FN3KRP: variants seen among roughly 807,000 people sequenced by gnomAD.
FN3KRP encodes ketosamine-3-kinase.
In FN3KRP, 33 loss-of-function variants were observed where a neutral mutation model predicts 29.8. That is an observed-to-expected ratio of 1.11 (90% CI 0.84 to 1.48). The LOEUF is 1.48. FN3KRP is among the 40% of genes most tolerant of loss of function. The probability of loss-of-function intolerance (pLI) is 0.00; values close to 1 mark genes in which losing one functional copy is unlikely to be tolerated. For missense variants in FN3KRP, 430 were observed against 402.6 expected, an observed-to-expected ratio of 1.07 and a Z score of -0.58; for synonymous variants, 157 against 155.2, an observed-to-expected ratio of 1.01 and a Z score of -0.09.
chr17:82,718,120 T>TTGTGTGTGTTGTGTGTCTGTATGTGTTG (rs1305087649), intron 1 of FN3KRP, among the ~76,000 whole-genome samples: 2 of 149,650 alleles, frequency 1.3e-5, no homozygotes, highest in Non-Finnish European at 1.5e-5. Context: ...AAGTCGTATG[T>TTGTGTGTGTTGTGTGTCTGTATGTGTTG]TGTGTGTGTT....
chr17:82,722,733 T>C, intron 3 of FN3KRP, 71 bp from the exon 4 acceptor site: 31 of 1,474,780 alleles, frequency 2.1e-5, no homozygotes, highest in Non-Finnish European at 2.9e-5. Flanking sequence ...TGTCTGAAGG[T>C]GACTCAGTTT....
At chr17:82,720,528 C>T (rs2046791605) in intron 3 of FN3KRP, among the ~76,000 whole-genome samples, 165 bp downstream of exon 3, 1 of 152,198 alleles carries the variant, frequency 6.6e-6, no homozygotes, top group African/African-American at 2.4e-5. Flanking sequence ...GCACTGAACA[C>T]AGTGACTGTG....
chr17:82,721,253 A>C (rs1408379757), intron 3 of FN3KRP, among the ~76,000 whole-genome samples: 2 of 151,594 alleles, frequency 1.3e-5, no homozygotes, highest in Non-Finnish European at 2.9e-5. Context: ...GTGCCCACCT[A>C]ATTTTTGTAT....
At position 82,727,109 on chromosome 17, in the gene FN3KRP, A is replaced by T. The variant is rs2046844196; in HGVS notation, c.868A>T (p.Asn290Tyr). The change falls in exon 6 of 6, where the codon AAT (asparagine) becomes TAT (tyrosine). Residue 290 changes from asparagine (N) to tyrosine (Y), a missense_variant. Physicochemically the swap from Asn to Tyr is moderately radical, Grantham distance 143. Transcript: ENST00000269373. ...YQLFHYLNHWNHFGSGYRGSS... is the reference protein window; with the variant it reads ...YQLFHYLNHWYHFGSGYRGSS... Reference sequence around the variant, plus strand: ...GCTCTTTCACTACTTGAACCACTGGAATCATTTTGGATCGGGGTACAGAGG... The same window carrying T: ...GCTCTTTCACTACTTGAACCACTGGTATCATTTTGGATCGGGGTACAGAGG... The T allele has an allele frequency of 6.2e-7, 1 of 1,614,086 alleles. No individual in the cohort carries two copies. Among genetic ancestry groups the T allele is most frequent in the Non-Finnish European group, 8.5e-7 (1 of 1,180,008 alleles).
chr17:82,725,998 C>T (rs111488950), intron 4 of FN3KRP, among the ~76,000 whole-genome samples: 13 of 151,968 alleles, frequency 8.6e-5, no homozygotes, highest in African/African-American at 2.9e-4. Context: ...ACCAACATGG[C>T]GAAACCCCGT....
At chr17:82,723,442 G>C (rs560218830) in intron 4 of FN3KRP, among the ~76,000 whole-genome samples, 1 of 152,152 alleles carries the variant, frequency 6.6e-6, no homozygotes, top group Non-Finnish European at 1.5e-5. Context: ...GCCTGCTGGC[G>C]GGGGGTGGGG....
intron 3 of FN3KRP, chr17:82,722,534 T>C (rs1348417871): frequency 1.4e-5 from 6 of 418,196 alleles, no homozygotes; most frequent in Middle Eastern, 6.6e-4. Flanking sequence ...GTGTGTCCTC[T>C]GGTGCCCCTG....
rs1441484991 is a variant in FN3KRP, at chr17:82,726,622, A to G, written c.591+20A>G. 42 of 1,603,476 alleles carry G rather than the reference A, an allele frequency of 2.6e-5. No homozygotes were observed. Among genetic ancestry groups the G allele is most frequent in the Non-Finnish European group, 2.7e-5 (32 of 1,174,666 alleles). On this transcript the variant is annotated intron_variant, in intron 5 of 5. Transcript: ENST00000269373. ...CTGCAGGTGAGTGGGGCCCCACTGC[A>G]TGCCCAGCACCTGCCACACACCCCA...
chr17:82,718,424 G>T, intron 1 of FN3KRP: 2 of 988,400 alleles, frequency 2.0e-6, no homozygotes, highest in Non-Finnish European at 1.2e-6. Flanking sequence ...AGGTGGCATG[G>T]AACTTGGTGG....
chr17:82,717,145 C>A (rs1598331345), intron 1 of FN3KRP, among the ~76,000 whole-genome samples: 1 of 152,118 alleles, frequency 6.6e-6, no homozygotes, highest in Non-Finnish European at 1.5e-5. Context: ...ACCGCGGCCG[C>A]CCCACACCTC....
intron 1 of FN3KRP, 55 bp downstream of exon 1, chr17:82,716,951 C>T (rs1230787988): frequency 2.6e-6 from 4 of 1,523,248 alleles, no homozygotes; most frequent in South Asian, 1.2e-5. Context: ...GAGAGGGTCG[C>T]GGGCCTCGGC....
In FN3KRP at chr17:82,720,501, G is replaced by C. The variant is rs1335354399; in HGVS notation, c.385+138G>C. ...GGCAGAGCAAGGGAATGTCGGCCTT[G>C]AGCCGCATCTCACGGTGCACTGAAC... On this transcript the variant is annotated intron_variant, in intron 3 of 5. Transcript: ENST00000269373. 5 of 619,722 alleles carry C rather than the reference G, an allele frequency of 8.1e-6. No individual in the cohort carries two copies. The East Asian group carries it at 8.5e-5, about 11-fold the overall frequency. The allele number at this position is 619,722 out of a possible 1,614,324, so 38.4% of individuals were successfully genotyped here. A position where few individuals can be genotyped will look rare whatever the true frequency, so the allele number is the denominator to read the frequency against.
intron 1 of FN3KRP, 41 bp downstream of exon 1, chr17:82,716,937 T>A: frequency 6.4e-7 from 1 of 1,553,676 alleles, no homozygotes. Flanking sequence ...CCGGTTTCTT[T>A]CCGGAGAGGG....
Position 82,720,321 on chromosome 17 carries a change from A to G in FN3KRP, c.343A>G (p.Lys115Glu), listed in dbSNP as rs1242251862. Residue 115 changes from lysine (K) to glutamate (E), a missense_variant, in exon 3 of 6, where the codon AAG becomes GAG. By Grantham distance (56) the Lys-to-Glu change is moderately conservative. Coordinates refer to ENST00000269373, the MANE Select transcript of FN3KRP (RefSeq NM_024619.4). ...AQLADLHLDN[K>E]KLGEMRLKEA... Reference sequence around the variant, plus strand: ...GCTGGCCGATTTACACCTTGATAACAAGAAGCTTGGAGAGATGCGCCTGAA... The same window carrying G: ...GCTGGCCGATTTACACCTTGATAACGAGAAGCTTGGAGAGATGCGCCTGAA... 2.5e-6 allele frequency: 4 copies of G among 1,613,944 alleles called. No individual in the cohort carries two copies. The Admixed American group carries it at 5.0e-5, about 20-fold the overall frequency.
At chr17:82,723,447 G>A (rs527740954) in intron 4 of FN3KRP, among the ~76,000 whole-genome samples, 1 of 152,222 alleles carries the variant, frequency 6.6e-6, no homozygotes, top group African/African-American at 2.4e-5. Flanking sequence ...CTGGCGGGGG[G>A]TGGGGGGTTT....
chr17:82,717,089 G>GGCGTCCGGA (rs1204128363), intron 1 of FN3KRP, among the ~76,000 whole-genome samples, 193 bp downstream of exon 1: 3 of 152,236 alleles, frequency 2.0e-5, no homozygotes, highest in African/African-American at 7.2e-5. Flanking sequence ...AAGCGTCCGG[G>GGCGTCCGGA]GCGTCCGGAG....
chr17:82,717,580 G>T (rs1298577471), intron 1 of FN3KRP, among the ~76,000 whole-genome samples: 11 of 152,154 alleles, frequency 7.2e-5, no homozygotes, highest in African/African-American at 2.7e-4. Context: ...TTAGCTGGGC[G>T]TGGTGGCGGG....
At chr17:82,720,409 G>A (rs917676565) in intron 3 of FN3KRP, 46 bp downstream of exon 3, 23 of 1,502,346 alleles carry the variant, frequency 1.5e-5, no homozygotes, top group South Asian at 2.3e-5. Flanking sequence ...AGAGGAGGAC[G>A]TTCAGCCGGT....
chr17:82,717,011 C>T, intron 1 of FN3KRP, 115 bp downstream of exon 1: 8 of 1,268,296 alleles, frequency 6.3e-6, no homozygotes, highest in Non-Finnish European at 8.4e-6. Context: ...GTGGCTCTCC[C>T]GGGACTGCCG....
Sources: allele counts gnomAD v4.1 joint callset (sites outside exome capture counted in the v4.1 genomes callset), GRCh38; gene constraint gnomAD v4.1.1; transcripts MANE v1.5; gene names NCBI Gene and HGNC (gene_info 2026-07-23, HGNC 2026-07-21).